Variants in OAT observed in about 807,000 individuals in gnomAD.
OAT encodes the protein ornithine aminotransferase, also known as ornithine aminotransferase, mitochondrial.
OAT carries 35 observed loss-of-function variants against 48.4 expected under a neutral mutation model. The ratio of observed to expected loss-of-function variants is 0.72; its 90% CI spans 0.55 to 0.96. The LOEUF (loss-of-function observed/expected upper bound fraction) is 0.96. Ranked by LOEUF, OAT falls within the 40% of genes least tolerant of loss-of-function variation. The probability of loss-of-function intolerance (pLI) is 0.00; values close to 1 mark genes in which losing one functional copy is unlikely to be tolerated. For missense variants in OAT, 438 were observed against 537.9 expected (o/e 0.81, Z 1.84); for synonymous variants, 182 against 198.4 (o/e 0.92, Z 0.70).
At chr10:124,399,220 C>G (rs1347400805) in intron 9 of OAT, among the ~76,000 whole-genome samples, 2 of 151,940 alleles carry the variant, frequency 1.3e-5, no homozygotes, top group East Asian at 3.9e-4. Context: ...GGCTGCACAT[C>G]AGAATCACCT....
chr10:124,411,267 A>T (rs1162596906), intron 2 of OAT, among the ~76,000 whole-genome samples: 2 of 152,074 alleles, frequency 1.3e-5, no homozygotes, highest in African/African-American at 4.8e-5. Flanking sequence ...GAACACACTA[A>T]GACCAAAGCA....
intron 1 of OAT, among the ~76,000 whole-genome samples, chr10:124,413,894 CCACAAGGCTT>C (rs1322180646): frequency 6.6e-6 from 1 of 152,062 alleles, no homozygotes; most frequent in Non-Finnish European, 1.5e-5. Flanking sequence ...ACTAGCCCCT[CCACAAGGCTT>C]CACACACCTC....
At position 124,398,070 on chromosome 10, in the gene OAT, G is replaced by A. The variant is rs200068769; in HGVS notation, c.1192C>T (p.Arg398Ter). Residue 398 changes from arginine to a stop codon, truncating the protein, a stop_gained, in exon 10 of 10, where the codon CGA becomes TGA. Coordinates refer to ENST00000368845, the MANE Select transcript of OAT (RefSeq NM_000274.4). LOFTEE classifies it high-confidence loss of function. ...GGCTTGGCCAGAAGTCCATTATCTC[G>A]AAGTCGTAGACACACCTTCCAAGCA... is the stretch of plus-strand genomic sequence containing the variant. ...WDAWKVCLRL[R>*]DNGLLAKPTH... 9 of 1,614,020 alleles carry A rather than the reference G, an allele frequency of 5.6e-6. No individual in the cohort carries two copies. Among genetic ancestry groups the A allele is most frequent in the East Asian group, 4.5e-5 (2 of 44,886 alleles).
At chr10:124,410,746 C>T (rs1951721368) in intron 2 of OAT, among the ~76,000 whole-genome samples, 1 of 152,106 alleles carries the variant, frequency 6.6e-6, no homozygotes, top group African/African-American at 2.4e-5. Context: ...TGCAGTGAGC[C>T]ATGATCACAC....
Position 124,412,086 on chromosome 10 carries a change from GC to G in OAT, c.85del (p.Ala29GlnfsTer32). 6.2e-7 allele frequency: 1 copy of G among 1,614,058 alleles called. No homozygotes were observed. On this transcript the variant is annotated frameshift_variant, in exon 2 of 10. Transcript: ENST00000368845. LOFTEE classifies it high-confidence loss of function. ...AGGGCCTTGGACTGTTTTTTTAGTTGCAACAGATGTAGCAGAAGCCACTGAA... is the reference window on the plus strand; with the variant it reads ...AGGGCCTTGGACTGTTTTTTTAGTTGAACAGATGTAGCAGAAGCCACTGAA... ...HSSVASATSV[A>X]TKKTVQGPPT...
chr10:124,411,953 C>T lies in OAT; in HGVS notation c.199+20G>A, dbSNP rs746812237. 3.7e-5 allele frequency: 60 copies of T among 1,605,690 alleles called. No individual in the cohort carries two copies. The highest frequency in any genetic ancestry group is 4.3e-5 in the Non-Finnish European group (51 of 1,173,936). Reference sequence around the variant, plus strand: ...AAAGGTTTCAAGAAAAGGGAAAAGACGGATTAATTTGAAACGTACCTTTTC... The same window carrying T: ...AAAGGTTTCAAGAAAAGGGAAAAGATGGATTAATTTGAAACGTACCTTTTC... On this transcript the variant is annotated intron_variant, in intron 2 of 9. Transcript: ENST00000368845.
At chr10:124,402,399 G>A (rs994644377) in intron 7 of OAT, among the ~76,000 whole-genome samples, 3 of 152,122 alleles carry the variant, frequency 2.0e-5, no homozygotes, top group Non-Finnish European at 4.4e-5. Context: ...CACTTCCAAC[G>A]TCGAGATGAA....
At chr10:124,400,225 G>C (rs558416477) in intron 9 of OAT, among the ~76,000 whole-genome samples, 1 of 152,008 alleles carries the variant, frequency 6.6e-6, no homozygotes, top group East Asian at 1.9e-4. Context: ...TGAGGCAGGC[G>C]GATCACGAGG....
intron 5 of OAT, 51 bp from the exon 6 acceptor site, chr10:124,403,971 G>A: frequency 6.2e-7 from 1 of 1,609,876 alleles, no homozygotes; most frequent in Admixed American, 1.7e-5. Flanking sequence ...TACCACACTT[G>A]GAAATCTGAA....
chr10:124,416,795 A>C (rs757938820), intron 1 of OAT, among the ~76,000 whole-genome samples: 1 of 152,042 alleles, frequency 6.6e-6, no homozygotes, highest in Non-Finnish European at 1.5e-5. Flanking sequence ...CAACTTGAGG[A>C]GTAAATTTGT....
At chr10:124,415,074 T>TAAAAAAAAA (rs75952005) in intron 1 of OAT, 3 of 16,858 alleles carry the variant, frequency 1.8e-4, no homozygotes, top group Non-Finnish European at 2.5e-4. Flanking sequence ...TACAAAGCGC[T>TAAAAAAAAA]AAAAAAAAAA....
chr10:124,405,590 AT>A, intron 4 of OAT, 27 bp from the exon 5 acceptor site: 2 of 1,612,440 alleles, frequency 1.2e-6, no homozygotes, highest in Non-Finnish European at 1.7e-6. Flanking sequence ...AACAGTGATT[AT>A]TTCAAAGAAA....
intron 9 of OAT, among the ~76,000 whole-genome samples, chr10:124,398,462 G>A (rs143896140): frequency 2.2e-4 from 34 of 151,512 alleles, no homozygotes; most frequent in African/African-American, 7.3e-4. Context: ...AGCGGAGATC[G>A]CGCCACTGCA....
rs367710098 is a variant in OAT at position 124,408,813 on chromosome 10, T to A, written c.352A>T (p.Asn118Tyr). 2 of 1,612,596 alleles carry A rather than the reference T, an allele frequency of 1.2e-6. No homozygotes were observed. Among genetic ancestry groups the A allele is most frequent in the African/African-American group, 1.3e-5 (1 of 75,026 alleles). ...LTLTSRAFYN[N>Y]VLGEYEEYIT... ...TACTCCTCATATTCACCAAGTACGTTATTATAGAAAGCTCTAGATGTTAAG... is the reference window on the plus strand; with the variant it reads ...TACTCCTCATATTCACCAAGTACGTAATTATAGAAAGCTCTAGATGTTAAG... Residue 118 changes from asparagine (N) to tyrosine (Y), a missense_variant, in exon 3 of 10, where the codon AAC (asparagine) becomes TAC (tyrosine). Asn to Tyr is a moderately radical substitution (Grantham distance 143, BLOSUM62 -2). Coordinates refer to ENST00000368845, the MANE Select transcript of OAT (RefSeq NM_000274.4).
chr10:124,410,336 C>G (rs1425458162), intron 2 of OAT, among the ~76,000 whole-genome samples: 1 of 152,156 alleles, frequency 6.6e-6, no homozygotes, highest in Non-Finnish European at 1.5e-5. Flanking sequence ...CCAAGACAAC[C>G]AAGGATTGAG....
intron 6 of OAT, 97 bp downstream of exon 6, chr10:124,403,701 G>T: frequency 6.6e-7 from 1 of 1,510,006 alleles, no homozygotes; most frequent in Non-Finnish European, 9.2e-7. Context: ...TATCCAATCA[G>T]CAGAATTCAG....
At chr10:124,398,123 G>A (rs1248688611) in intron 9 of OAT, 21 bp from the exon 10 acceptor site, 16 of 1,613,342 alleles carry the variant, frequency 9.9e-6, no homozygotes, top group East Asian at 2.2e-5. Context: ...ATAGTAAAAC[G>A]TACATGCTCA....
At chr10:124,402,281 A>G (rs75011747) in intron 7 of OAT, among the ~76,000 whole-genome samples, 4 of 152,360 alleles carry the variant, frequency 2.6e-5, no homozygotes, top group Non-Finnish European at 4.4e-5. Context: ...TGACTTAGTC[A>G]TACCCTAAAA....
At chr10:124,402,249 C>G (rs1036934582) in intron 7 of OAT, among the ~76,000 whole-genome samples, 1 of 152,110 alleles carries the variant, frequency 6.6e-6, no homozygotes, top group Non-Finnish European at 1.5e-5. Flanking sequence ...ATCTGCCAAC[C>G]TAACTACCAG....
Sources: gnomAD v4.1 joint callset for allele counts (sites outside exome capture counted in the v4.1 genomes callset) on GRCh38, gnomAD v4.1.1 for gene constraint, MANE v1.5 for transcripts, NCBI Gene and HGNC (gene_info 2026-07-23, HGNC 2026-07-21) for gene names.